The following MRPL39 variants were observed in gnomAD, a reference collection of about 807,000 sequenced individuals.
MRPL39 encodes mitochondrial ribosomal protein L39.
In MRPL39, 35 loss-of-function variants were observed where a neutral mutation model predicts 44.5. The ratio of observed to expected loss-of-function variants is 0.79; its 90% CI spans 0.60 to 1.04. MRPL39 has a LOEUF of 1.04. Ranked by LOEUF, MRPL39 falls within the 50% of genes least tolerant of loss-of-function variation. The pLI is 0.00. For missense variants in MRPL39, 433 were observed against 413.5 expected (o/e 1.05, Z -0.41); for synonymous variants, 139 against 136.1 (o/e 1.02, Z -0.15).
At chr21:25,594,627 T>C (rs1435740330) in intron 6 of MRPL39, among the ~76,000 whole-genome samples, 1 of 152,112 alleles carries the variant, frequency 6.6e-6, no homozygotes, top group Non-Finnish European at 1.5e-5. Context: ...TGTCTTTCTC[T>C]ACCCTTTGAG....
At chr21:25,603,685 T>C in intron 3 of MRPL39, 111 bp downstream of exon 3, 1 of 1,160,104 alleles carries the variant, frequency 8.6e-7, no homozygotes. Context: ...AAGAGTACGA[T>C]ACAACATTTG....
chr21:25,588,920 A>T, intron 8 of MRPL39, 38 bp from the exon 9 acceptor site: 1 of 1,553,846 alleles, frequency 6.4e-7, no homozygotes, highest in Non-Finnish European at 8.9e-7. Context: ...TAAATGAAGC[A>T]GTAATGTCAA....
At chr21:25,589,974 G>C (rs1369012817) in intron 8 of MRPL39, among the ~76,000 whole-genome samples, 1 of 152,202 alleles carries the variant, frequency 6.6e-6, no homozygotes, top group Admixed American at 6.5e-5. Context: ...AAAGAGTTGG[G>C]ATTTGTTCAA....
upstream of MRPL39, chr21:25,607,636 TGA>T (rs1197722523): frequency 1.4e-6 from 1 of 704,702 alleles, no homozygotes; most frequent in Admixed American, 2.8e-5. Flanking sequence ...ATTCAGTGGC[TGA>T]GACCCCGAGA....
rs988684314 is a variant in MRPL39, at chr21:25,593,934, C to G, written c.726G>C (p.Glu242Asp). ...TTCTCTCAGGGTTCTGAGATGCCTT[C>G]TCTTCTATGAAATCTACTTTGTACC... ...HSKYKVDFIE[E>D]KASQNPERIV... is the part of the protein sequence containing the mutation. The change falls in exon 7 of 10, where the codon GAG (glutamate) becomes GAC (aspartate). Residue 242 changes from glutamate (E) to aspartate (D), a missense_variant. Glu to Asp is a conservative substitution (Grantham distance 45). Transcript: ENST00000352957. 6 of 1,613,558 alleles carry G rather than the reference C, an allele frequency of 3.7e-6. No homozygotes were observed. In the Admixed American group the frequency reaches 5.0e-5, roughly 13 times the overall value.
At chr21:25,602,982 C>A (rs2031564462) in intron 3 of MRPL39, among the ~76,000 whole-genome samples, 1 of 152,138 alleles carries the variant, frequency 6.6e-6, no homozygotes, top group African/African-American at 2.4e-5. Context: ...GTTGAGTTCT[C>A]ATGAGATCTA....
chr21:25,591,529 C>T (rs1402231874), intron 8 of MRPL39, among the ~76,000 whole-genome samples: 1 of 151,990 alleles, frequency 6.6e-6, no homozygotes, highest in Non-Finnish European at 1.5e-5. Context: ...ACAGACATTG[C>T]ACCAATGAAG....
At position 25,607,432 on chromosome 21, in the gene MRPL39, A is replaced by G. The variant is rs762730702; in HGVS notation, c.44T>C (p.Leu15Pro). ...AMGSRALRLW[L>P]VAPGGGIKWR... Reference sequence around the variant, plus strand: ...TTTGATCCCGCCACCGGGTGCGACCAGCCAGAGCCGCAGCGCCCGGGAACC... The same window carrying G: ...TTTGATCCCGCCACCGGGTGCGACCGGCCAGAGCCGCAGCGCCCGGGAACC... The change falls in exon 1 of 10, where the codon CTG (leucine) becomes CCG (proline). Residue 15 changes from leucine to proline, a missense_variant. Physicochemically the swap from Leu to Pro is moderately conservative, Grantham distance 98 (BLOSUM62 -3). Coordinates refer to ENST00000352957, the MANE Select transcript of MRPL39 (RefSeq NM_017446.4). The G allele has an allele frequency of 3.1e-6, 5 of 1,613,446 alleles. No individual in the cohort carries two copies. The highest frequency in any genetic ancestry group is 4.2e-6 in the Non-Finnish European group (5 of 1,179,956).
At chr21:25,594,728 C>T (rs2031302727) in intron 6 of MRPL39, among the ~76,000 whole-genome samples, 2 of 152,148 alleles carry the variant, frequency 1.3e-5, no homozygotes, top group Non-Finnish European at 2.9e-5. Context: ...TCCTATATCT[C>T]TGCTTCTAAT....
chr21:25,597,526 G>A lies in MRPL39; in HGVS notation c.589-112C>T, dbSNP rs887902879. 1.6e-5 allele frequency: 9 copies of A among 562,876 alleles called. 1 individual carries two copies. The highest frequency in any genetic ancestry group is 1.4e-4 in the African/African-American group (7 of 51,176). The allele number at this position is 562,876 out of a possible 1,614,324, so 34.9% of individuals were successfully genotyped here. A position where few individuals can be genotyped will look rare whatever the true frequency, so the allele number is the denominator to read the frequency against. On this transcript the variant is annotated intron_variant, in intron 5 of 9. Transcript: ENST00000352957. ...TACTGCAAATCCAACTAAAATAAAAGATAAAATCAAATTTGTTAGAACAGA... is the reference window on the plus strand; with the variant it reads ...TACTGCAAATCCAACTAAAATAAAAAATAAAATCAAATTTGTTAGAACAGA...
In MRPL39 at chr21:25,599,818, T is replaced by A. The variant is rs1348387798; in HGVS notation, c.569A>T (p.Asp190Val). The change falls in exon 5 of 10, where the codon GAT becomes GTT. Residue 190 changes from aspartate to valine, a missense_variant. Coordinates refer to ENST00000352957, the MANE Select transcript of MRPL39 (RefSeq NM_017446.4). ...ACTTACTTTTGTTGGCATCCACTCA[T>A]CAAGTTTGCTATCCAAAACTACGTC... ...CYDVVLDSKLDEWMPTKENLR... is the reference protein window; with the variant it reads ...CYDVVLDSKLVEWMPTKENLR... 2 of 1,613,324 alleles carry A rather than the reference T, an allele frequency of 1.2e-6. No homozygotes were observed. Among genetic ancestry groups the A allele is most frequent in the Non-Finnish European group, 1.7e-6 (2 of 1,179,552 alleles).
At chr21:25,594,168 T>A (rs537482380) in intron 6 of MRPL39, among the ~76,000 whole-genome samples, 3 of 152,048 alleles carry the variant, frequency 2.0e-5, no homozygotes, top group Admixed American at 6.5e-5. Flanking sequence ...CAGTGGACAT[T>A]TTTTGGTCCT....
intron 5 of MRPL39, among the ~76,000 whole-genome samples, chr21:25,597,754 CAATA>C (rs1237735764): frequency 6.6e-6 from 1 of 151,682 alleles, no homozygotes; most frequent in Admixed American, 6.6e-5. Flanking sequence ...GTAAAAATGC[CAATA>C]AATAAATAGC....
intron 9 of MRPL39, chr21:25,587,657 A>G (rs1211980532): frequency 7.2e-7 from 1 of 1,386,806 alleles, no homozygotes; most frequent in South Asian, 1.2e-5. Flanking sequence ...GGACATATAC[A>G]ATCAAGCACA....
At chr21:25,593,784 G>C (rs2031254456) in intron 7 of MRPL39, 109 bp downstream of exon 7, 1 of 916,436 alleles carries the variant, frequency 1.1e-6, no homozygotes, top group African/African-American at 1.7e-5. Context: ...AAGGTAATAA[G>C]AACAAAATAA....
At chr21:25,600,268 C>G (rs2031480863) in intron 4 of MRPL39, among the ~76,000 whole-genome samples, 1 of 151,760 alleles carries the variant, frequency 6.6e-6, no homozygotes, top group East Asian at 1.9e-4. Flanking sequence ...TGGTGGCAGG[C>G]AACTGTAATC....
chr21:25,594,102 C>T, intron 6 of MRPL39, 144 bp from the exon 7 acceptor site: 1 of 658,834 alleles, frequency 1.5e-6, no homozygotes, highest in Non-Finnish European at 2.6e-6. Flanking sequence ...TGGCCACAGC[C>T]CCATGACTCT....
intron 8 of MRPL39, among the ~76,000 whole-genome samples, chr21:25,592,124 A>G (rs2031197053): frequency 6.6e-6 from 1 of 152,236 alleles, no homozygotes; most frequent in Non-Finnish European, 1.5e-5. Context: ...AAAATTATAG[A>G]AAAGGAAAAC....
intron 8 of MRPL39, among the ~76,000 whole-genome samples, chr21:25,591,988 G>A (rs1475528633): frequency 6.6e-6 from 1 of 152,206 alleles, no homozygotes; most frequent in Non-Finnish European, 1.5e-5. Flanking sequence ...CAATAAGAAT[G>A]AATGAACTAC....
Sources: gnomAD v4.1 joint callset for allele counts (sites outside exome capture counted in the v4.1 genomes callset) on GRCh38, gnomAD v4.1.1 for gene constraint, MANE v1.5 for transcripts, NCBI Gene and HGNC (gene_info 2026-07-23, HGNC 2026-07-21) for gene names.